The following GRIP1 variants were observed in gnomAD, a reference collection of about 807,000 sequenced individuals.
The protein encoded by GRIP1 is glutamate receptor-interacting protein 1.
GRIP1 carries 45 observed loss-of-function variants against 129.9 expected under a neutral mutation model. That is an observed-to-expected ratio of 0.35 (90% CI 0.27 to 0.44). The LOEUF is 0.44. Among genes scored for constraint, GRIP1 ranks in the 20% least tolerant of loss-of-function variants. The pLI is 1.00. For synonymous variants in GRIP1, 530 were observed against 520.8 expected (o/e 1.02, Z -0.24); for missense variants, 1,196 against 1,396.8 (o/e 0.86, Z 2.29).
At chr12:66,473,927 C>A (rs1592386736) in intron 7 of GRIP1, among the ~76,000 whole-genome samples, 1 of 152,176 alleles carries the variant, frequency 6.6e-6, no homozygotes, top group African/African-American at 2.4e-5. Context: ...CTCTTCTCCT[C>A]CAGAGGATCA....
intron 1 of GRIP1, among the ~76,000 whole-genome samples, chr12:67,013,002 C>CT (rs1427051386): frequency 4.6e-5 from 7 of 152,072 alleles, no homozygotes; most frequent in African/African-American, 1.7e-4. Flanking sequence ...ACATTTTCAA[C>CT]TTTTTGAGAA....
intron 1 of GRIP1, among the ~76,000 whole-genome samples, chr12:66,653,657 T>C (rs112580479): frequency 3.5e-4 from 53 of 152,362 alleles, no homozygotes; most frequent in African/African-American, 1.2e-3. Context: ...TATAAGCATT[T>C]GGCAGATGCA....
intron 9 of GRIP1, 27 bp downstream of exon 9, chr12:66,462,897 G>T: frequency 6.3e-7 from 1 of 1,588,796 alleles, no homozygotes; most frequent in South Asian, 1.1e-5. Flanking sequence ...GCCAGAGAAA[G>T]AGCTTGATCC....
At chr12:66,960,855 C>T (rs1319277009) in intron 1 of GRIP1, among the ~76,000 whole-genome samples, 3 of 152,102 alleles carry the variant, frequency 2.0e-5, no homozygotes, top group East Asian at 1.9e-4. Context: ...GCAAATGAAA[C>T]GCGAGCTTTT....
chr12:66,710,727 G>A (rs1480169216), intron 1 of GRIP1, among the ~76,000 whole-genome samples: 2 of 151,812 alleles, frequency 1.3e-5, no homozygotes, highest in East Asian at 1.9e-4. Context: ...ATGCAAGATC[G>A]ATAACACAGT....
At chr12:66,432,681 C>G (rs2058184657) in intron 13 of GRIP1, 53 bp from the exon 14 acceptor site, 1 of 985,516 alleles carries the variant, frequency 1.0e-6, no homozygotes, top group Admixed American at 1.7e-5. Context: ...GACTGGAGCA[C>G]CCATCAATAA....
chr12:66,514,413 A>G (rs766028588), intron 7 of GRIP1, among the ~76,000 whole-genome samples: 1 of 152,166 alleles, frequency 6.6e-6, no homozygotes, highest in Non-Finnish European at 1.5e-5. Context: ...CAAATAAGGC[A>G]CAGGGAAATC....
chr12:66,715,481 A>T (rs143474111), intron 1 of GRIP1, among the ~76,000 whole-genome samples: 9,038 of 51,160 alleles, frequency 0.18, 447 homozygotes, highest in African/African-American at 0.3. Flanking sequence ...TGAGAGAGAG[A>T]GAGAGAGAGA....
chr12:66,967,284 C>T (rs2009062), intron 1 of GRIP1, among the ~76,000 whole-genome samples: 41,392 of 151,984 alleles, frequency 0.27, 5,612 homozygotes, highest in Middle Eastern at 0.35. Flanking sequence ...ATTAGCATAT[C>T]TATCACCTCA....
intron 1 of GRIP1, among the ~76,000 whole-genome samples, chr12:66,774,592 G>C (rs1229739954): frequency 6.6e-6 from 1 of 152,120 alleles, no homozygotes; most frequent in Non-Finnish European, 1.5e-5. Flanking sequence ...CTTTGATGTA[G>C]AAAAAACTTT....
At chr12:66,823,228 A>G (rs926564572) in intron 1 of GRIP1, among the ~76,000 whole-genome samples, 2 of 152,200 alleles carry the variant, frequency 1.3e-5, no homozygotes, top group African/African-American at 4.8e-5. Context: ...ATCCTCAGAC[A>G]TGTAAATATC....
intron 15 of GRIP1, among the ~76,000 whole-genome samples, chr12:66,415,837 C>T (rs1479735052): frequency 6.6e-6 from 1 of 152,150 alleles, no homozygotes; most frequent in Non-Finnish European, 1.5e-5. Context: ...CCAAACACTG[C>T]ATGTTGTCAC....
intron 1 of GRIP1, among the ~76,000 whole-genome samples, chr12:67,019,472 T>C (rs1215204381): frequency 6.6e-6 from 1 of 152,200 alleles, no homozygotes; most frequent in Non-Finnish European, 1.5e-5. Flanking sequence ...GTTAAAGATG[T>C]ACATCGTGAA....
intron 1 of GRIP1, among the ~76,000 whole-genome samples, chr12:66,977,615 A>T (rs2042172942): frequency 1.3e-5 from 2 of 152,066 alleles, no homozygotes; most frequent in African/African-American, 4.8e-5. Flanking sequence ...AACACCATAG[A>T]TTAGTTTTGC....
At chr12:66,535,959 TGAAC>T in intron 4 of GRIP1, among the ~76,000 whole-genome samples, 1 of 152,220 alleles carries the variant, frequency 6.6e-6, no homozygotes, top group Non-Finnish European at 1.5e-5. Context: ...TTTCAAGCCA[TGAAC>T]TGCTGATCTT....
At chr12:66,740,674 T>A (rs1467950108) in intron 1 of GRIP1, among the ~76,000 whole-genome samples, 4 of 152,192 alleles carry the variant, frequency 2.6e-5, no homozygotes, top group African/African-American at 9.7e-5. Context: ...GAGCAGTTAA[T>A]ATTTATGGAG....
Position 66,449,882 on chromosome 12 carries a change from T to C in GRIP1, c.1355-4374A>G, listed in dbSNP as rs148812839. ...TAATCCTTTACTTTCTTTGACTCTT[T>C]TATAGGTTCATATTAATTTTTTTTT... On this transcript the variant is annotated intron_variant, in intron 11 of 24. Coordinates refer to ENST00000359742, the MANE Select transcript of GRIP1 (RefSeq NM_001366722.1). Among the ~76,000 whole-genome samples, 487 of 152,294 alleles carry C rather than the reference T, an allele frequency of 3.2e-3. 3 individuals are homozygous for C. The highest frequency in any genetic ancestry group is 0.011 in the African/African-American group (463 of 41,562).
At chr12:66,449,380 C>T (rs1446284894) in intron 11 of GRIP1, among the ~76,000 whole-genome samples, 1 of 152,080 alleles carries the variant, frequency 6.6e-6, no homozygotes, top group Admixed American at 6.5e-5. Flanking sequence ...TTCTTCAGGG[C>T]CCAGGTAATT....
chr12:66,796,698 G>A (rs1002893086), intron 1 of GRIP1, among the ~76,000 whole-genome samples: 11 of 152,110 alleles, frequency 7.2e-5, no homozygotes, highest in Non-Finnish European at 1.2e-4. Flanking sequence ...CATGTAGAAT[G>A]ACTCTTGACA....
Sources: gnomAD v4.1 joint callset for allele counts (sites outside exome capture counted in the v4.1 genomes callset) on GRCh38, gnomAD v4.1.1 for gene constraint, MANE v1.5 for transcripts, NCBI Gene and HGNC (gene_info 2026-07-23, HGNC 2026-07-21) for gene names.